Variants in RNF207 observed in about 807,000 individuals in gnomAD.
The protein encoded by RNF207 is ring finger protein 207, also known as OTTHUMG00000001089.
Under a neutral mutation model 79.0 loss-of-function variants are expected in RNF207, and 72 were observed. The observed-to-expected ratio is 0.91, with a 90% CI of 0.75 to 1.11. The LOEUF (loss-of-function observed/expected upper bound fraction) is 1.11, where lower values mean the gene tolerates loss of function less well. RNF207 is among the 50% of genes least tolerant of loss of function. RNF207 has a pLI of 0.00. For missense variants in RNF207, 936 were observed against 855.8 expected (o/e 1.09, Z -1.17); for synonymous variants, 348 against 366.2 (o/e 0.95, Z 0.57).
chr1:6,218,167 A>C, intron 16 of RNF207, 122 bp from the exon 17 acceptor site: 1 of 665,032 alleles, frequency 1.5e-6, no homozygotes, highest in Non-Finnish European at 2.7e-6. Flanking sequence ...GAGGAGCAAA[A>C]GAATGAAACG....
intron 7 of RNF207, 22 bp from the exon 8 acceptor site, chr1:6,209,902 G>A (rs1221581796): frequency 1.3e-6 from 2 of 1,569,496 alleles, no homozygotes; most frequent in Non-Finnish European, 1.7e-6. Context: ...CAAATCAAGA[G>A]CATGCTCGCC....
intron 10 of RNF207, 111 bp downstream of exon 10, chr1:6,210,549 G>T: frequency 1.2e-6 from 1 of 811,624 alleles, no homozygotes; most frequent in Admixed American, 2.3e-5. Flanking sequence ...CTGGACCAGG[G>T]ATCTCGGGGC....
Position 6,209,135 on chromosome 1 carries a change from C to A in RNF207, c.490C>A (p.Leu164Ile). ...QKCTLHAEPY[L>I]LFSTDKKLLL... is the part of the protein sequence containing the mutation. Reference sequence around the variant, plus strand: ...CGCAGCGCTGCACGCAGAGCCCTACCTCTTGTTCTCCACCGACAAGAAGTT... The same window carrying A: ...CGCAGCGCTGCACGCAGAGCCCTACATCTTGTTCTCCACCGACAAGAAGTT... The change falls in exon 5 of 18, where the codon CTC becomes ATC. Residue 164 changes from leucine to isoleucine, a missense_variant. Transcript: ENST00000377939. The A allele has an allele frequency of 6.4e-7, 1 of 1,556,744 alleles. No homozygotes were observed. The highest frequency in any genetic ancestry group is 8.7e-7 in the Non-Finnish European group (1 of 1,149,812).
chr1:6,209,468 A>G lies in RNF207; in HGVS notation c.682A>G (p.Met228Val). ...TREAIALLQA[M>V]VEEVRHSAAE... ...GGAGGCCATCGCGCTGCTGCAGGCC[A>G]TGGTGGAGGAGGTGCGGCACAGCGC... The change falls in exon 7 of 18, where the codon ATG becomes GTG. Residue 228 changes from methionine to valine, a missense_variant. Met to Val is a conservative substitution (Grantham distance 21). Coordinates refer to ENST00000377939, the MANE Select transcript of RNF207 (RefSeq NM_207396.3). The G allele has an allele frequency of 2.7e-6, 4 of 1,504,570 alleles. No homozygotes were observed. The highest frequency in any genetic ancestry group is 1.8e-6 in the Non-Finnish European group (2 of 1,133,088). 93.2% of individuals were successfully genotyped at this position (1,504,570 alleles called of 1,614,324 possible).
At chr1:6,212,140 C>A in intron 13 of RNF207, 87 bp downstream of exon 13, 1 of 1,543,862 alleles carries the variant, frequency 6.5e-7, no homozygotes, top group Non-Finnish European at 8.8e-7. Flanking sequence ...GTTCTCCCAG[C>A]TGCTGAAGCT....
At chr1:6,210,177 G>A (rs764275786) in intron 8 of RNF207, 46 bp from the exon 9 acceptor site, 11 of 1,538,542 alleles carry the variant, frequency 7.1e-6, no homozygotes, top group Non-Finnish European at 9.9e-6. Flanking sequence ...GAACTGCCCG[G>A]CCCTGCTCCT....
chr1:6,207,776 C>T lies in RNF207; in HGVS notation c.324+265C>T, dbSNP rs1667972639. ...GGGGAGAGCTCACTGGTCCCCAATT[C>T]AGGGTGGAGTTGTGGACCTGCACAG... On this transcript the variant is annotated intron_variant, in intron 3 of 17. Transcript: ENST00000377939. This position sits in a 1 kb window ranked among gnomAD's most constrained non-coding sequence, Gnocchi z 4.5. The T allele has an allele frequency of 3.1e-6, 2 of 652,396 alleles. 1 individual carries two copies. Among genetic ancestry groups the T allele is most frequent in the Admixed American group, 4.2e-5 (2 of 48,080 alleles). 40.4% of individuals were successfully genotyped at this position (652,396 alleles called of 1,614,324 possible).
rs1214534959 is a variant in RNF207 at position 6,217,789 on chromosome 1, C to G, written c.1653-500C>G. ...CTTTAGAAGTCTATGATTCCCATCA[C>G]CGCGGGGCTGGACAGCTCTCTTGGG... is the stretch of plus-strand genomic sequence containing the variant. On this transcript the variant is annotated intron_variant, in intron 16 of 17. Transcript: ENST00000377939. The surrounding 1 kb of genome is among the most constrained non-coding windows in gnomAD (Gnocchi z 4.2). 6.6e-6 allele frequency among the ~76,000 whole-genome samples: 1 copy of G among 152,204 alleles called. No homozygotes were observed. The highest frequency in any genetic ancestry group is 6.5e-5 in the Admixed American group (1 of 15,280).
Position 6,206,542 on chromosome 1 carries a change from G to C in RNF207, c.7G>C (p.Gly3Arg). 6.3e-7 allele frequency: 1 copy of C among 1,576,352 alleles called. No homozygotes were observed. The highest frequency in any genetic ancestry group is 1.1e-5 in the South Asian group (1 of 88,814). The part of the protein sequence containing the change: MS[G>R]AIFGPLEGPS... Reference sequence around the variant, plus strand: ...GCTTGCGCTGTCGCTGCAGATGTCGGGAGCTATCTTCGGGCCCCTGGAGGG... The same window carrying C: ...GCTTGCGCTGTCGCTGCAGATGTCGCGAGCTATCTTCGGGCCCCTGGAGGG... Residue 3 changes from glycine (G) to arginine (R), a missense_variant, in exon 2 of 18, where the codon GGA becomes CGA. Coordinates refer to ENST00000377939, the MANE Select transcript of RNF207 (RefSeq NM_207396.3).
chr1:6,209,531 A>C lies in RNF207; in HGVS notation c.745A>C (p.Ser249Arg). The change falls in exon 7 of 18, where the codon AGC (serine) becomes CGC (arginine). Residue 249 changes from serine to arginine, a missense_variant. By Grantham distance (110) the Ser-to-Arg change is moderately radical. Coordinates refer to ENST00000377939, the MANE Select transcript of RNF207 (RefSeq NM_207396.3). ...GGACGCTATCCACGCCCTCTTCGGC[A>C]GCATGCAGGTGAGGGGTGGGGGTTG... Reference protein sequence around the residue: ...EEDAIHALFGSMQDRLAERKA... With the variant: ...EEDAIHALFGRMQDRLAERKA... The C allele has an allele frequency of 1.4e-6, 2 of 1,464,160 alleles. No individual in the cohort carries two copies. Among genetic ancestry groups the C allele is most frequent in the Non-Finnish European group, 1.8e-6 (2 of 1,116,172 alleles). The allele number at this position is 1,464,160 out of a possible 1,614,324, so 90.7% of individuals were successfully genotyped here. A position where few individuals can be genotyped will look rare whatever the true frequency, so the allele number is the denominator to read the frequency against.
chr1:6,214,398 ATTTC>A (rs1668286920), intron 16 of RNF207, among the ~76,000 whole-genome samples: 1 of 149,456 alleles, frequency 6.7e-6, no homozygotes, highest in Non-Finnish European at 1.5e-5. Flanking sequence ...GTTTTGGCAT[ATTTC>A]TTTTTTTTTT....
Position 6,219,329 on chromosome 1 carries a change from A to C in RNF207, c.1827A>C (p.Leu609=), listed in dbSNP as rs1161540923. 6.2e-7 allele frequency: 1 copy of C among 1,612,970 alleles called. No individual in the cohort carries two copies. The highest frequency in any genetic ancestry group is 8.5e-7 in the Non-Finnish European group (1 of 1,179,304). The change falls in exon 18 of 18, where the codon CTA becomes CTC. Residue 609 remains leucine, a synonymous_variant. Transcript: ENST00000377939. ...CGAACGGCCTCTCAGAAGAGCCTCTACTGAAAAATATGGATCATCACAGAT... is the reference window on the plus strand; with the variant it reads ...CGAACGGCCTCTCAGAAGAGCCTCTCCTGAAAAATATGGATCATCACAGAT... ...WAPNGLSEEP[L]LKNMDHHRSK...
chr1:6,209,243 G>C (rs774869826), intron 5 of RNF207, 25 bp from the exon 6 acceptor site: 3 of 1,549,652 alleles, frequency 1.9e-6, no homozygotes, highest in African/African-American at 1.4e-5. Flanking sequence ...CCGCTGGAGC[G>C]GGCCTCACCC....
chr1:6,206,919 C>T (rs1667930825), intron 2 of RNF207, among the ~76,000 whole-genome samples, 193 bp downstream of exon 2: 1 of 152,216 alleles, frequency 6.6e-6, no homozygotes, highest in African/African-American at 2.4e-5. Flanking sequence ...TATAGATCAG[C>T]TTAACTGAAG....
Position 6,213,124 on chromosome 1 carries a change from C to T in RNF207, c.1593C>T (p.Thr531=), listed in dbSNP as rs1183752537. ...AGAATGCCTACCTGACCACCATCAC[C>T]AAGCAGATCACGCCCTACGTCCGCT... ...RQENAYLTTI[T]KQITPYVRSI... Residue 531 remains threonine (T), a synonymous_variant, in exon 16 of 18, where the codon ACC becomes ACT. Transcript: ENST00000377939. 6 of 1,613,388 alleles carry T rather than the reference C, an allele frequency of 3.7e-6. No individual in the cohort carries two copies. In the South Asian group the frequency reaches 6.6e-5, roughly 18 times the overall value.
At position 6,213,162 on chromosome 1, in the gene RNF207, T is replaced by A. The variant is rs1668242537; in HGVS notation, c.1631T>A (p.Val544Glu). The A allele has an allele frequency of 1.9e-6, 3 of 1,611,726 alleles. No individual in the cohort carries two copies. The highest frequency in any genetic ancestry group is 1.7e-6 in the Non-Finnish European group (2 of 1,178,672). Reference protein sequence around the residue: ...ITPYVRSIAKVKERLEPRFQA... With the variant: ...ITPYVRSIAKEKERLEPRFQA... ...CCCTACGTCCGCTCCATTGCCAAGG[T>A]GAAGGAGCGGCTGGAGCCCAGGTGA... The change falls in exon 16 of 18, where the codon GTG becomes GAG. Residue 544 changes from valine to glutamate, a missense_variant. By Grantham distance (121) the Val-to-Glu change is moderately radical. Transcript: ENST00000377939.
Position 6,219,424 on chromosome 1 carries a change from CCA to C in RNF207, c.*18_*19del. The C allele has an allele frequency of 6.3e-7, 1 of 1,582,130 alleles. No individual in the cohort carries two copies. The highest frequency in any genetic ancestry group is 8.6e-7 in the Non-Finnish European group (1 of 1,161,022). On this transcript the variant is annotated 3_prime_UTR_variant, in exon 18 of 18. Transcript: ENST00000377939. ...CCGACTTAGCAAATGGGACCGGTCC[CCA>C]GGGTCAGGCTCTTAGAGCAGGCACA...
Position 6,217,664 on chromosome 1 carries a change from TC to T in RNF207, c.1653-623del. Among the ~76,000 whole-genome samples the T allele has an allele frequency of 6.6e-6, 1 of 152,268 alleles. No homozygotes were observed. Among genetic ancestry groups the T allele is most frequent in the African/African-American group, 2.4e-5 (1 of 41,536 alleles). On this transcript the variant is annotated intron_variant, in intron 16 of 17. Transcript: ENST00000377939. The surrounding 1 kb of genome is among the most constrained non-coding windows in gnomAD (Gnocchi z 4.2). ...CCCCAAGTCCTGCTGGCTCTACTGTTCCTGCCTCAATCCACCCGCTTTGGTC... is the reference window on the plus strand; with the variant it reads ...CCCCAAGTCCTGCTGGCTCTACTGTTCTGCCTCAATCCACCCGCTTTGGTC...
rs140815362 is a variant in RNF207, at chr1:6,207,464, G to T, written c.277G>T (p.Val93Leu). 2.3e-5 allele frequency: 36 copies of T among 1,589,174 alleles called. No homozygotes were observed. Among genetic ancestry groups the T allele is most frequent in the African/African-American group, 1.9e-4 (14 of 74,726 alleles). The change falls in exon 3 of 18, where the codon GTG becomes TTG. Residue 93 changes from valine (V) to leucine (L), a missense_variant. Transcript: ENST00000377939. The surrounding 1 kb of genome is among the most constrained non-coding windows in gnomAD (Gnocchi z 4.5). The stretch of plus-strand genomic sequence containing the variant: ...CCTGGTGGACAGCTCAGGGGATGGC[G>T]TGGAGGCGGTGCGCTGTGCCAACTG... ...QFLVDSSGDG[V>L]EAVRCANCDL...
Sources: gnomAD v4.1 joint callset for allele counts (sites outside exome capture counted in the v4.1 genomes callset) on GRCh38, gnomAD v4.1.1 for gene constraint, Gnocchi (gnomAD v3.1) non-coding constraint, MANE v1.5 for transcripts, NCBI Gene and HGNC (gene_info 2026-07-23, HGNC 2026-07-21) for gene names.